The following INO80D variants were observed in gnomAD, a reference collection of about 807,000 sequenced individuals.
INO80D encodes INO80 complex subunit D.
INO80D carries 21 observed loss-of-function variants against 87.6 expected under a neutral mutation model. That is an observed-to-expected ratio of 0.24 (90% CI 0.17 to 0.35). INO80D has a LOEUF of 0.35. INO80D is among the 10% of genes least tolerant of loss of function. The pLI is 1.00. For missense variants in INO80D, 982 were observed against 1,280.7 expected, an observed-to-expected ratio of 0.77 and a Z score of 3.56; for synonymous variants, 440 against 491.0, an observed-to-expected ratio of 0.90 and a Z score of 1.37.
intron 1 of INO80D, among the ~76,000 whole-genome samples, chr2:206,079,666 C>G (rs1023666084): frequency 2.0e-5 from 3 of 152,144 alleles, no homozygotes; most frequent in African/African-American, 7.2e-5. Flanking sequence ...CAGTCTTGTC[C>G]TCCTTTTTCC....
chr2:206,025,568 T>TATATATATATAA (rs3079262), intron 6 of INO80D: 22 of 126,808 alleles, frequency 1.7e-4, no homozygotes, highest in South Asian at 4.9e-4. Flanking sequence ...TATATATATA[T>TATATATATATAA]AAAATAACTA....
Position 205,997,981 on chromosome 2 carries a change from TA to T in INO80D, c.*6386del, listed in dbSNP as rs1199011790. 6.6e-6 allele frequency: 1 copy of T among 152,168 alleles called. No homozygotes were observed. The highest frequency in any genetic ancestry group is 1.5e-5 in the Non-Finnish European group (1 of 68,008). 9.4% of individuals were successfully genotyped at this position (152,168 alleles called of 1,614,324 possible). ...ATACAGACATATACATGCACACAAG[TA>T]ATTTAGTTCTATTTTAAAGTCACAG... On this transcript the variant is annotated 3_prime_UTR_variant, in exon 11 of 11. Coordinates refer to ENST00000403263, the MANE Select transcript of INO80D (RefSeq NM_017759.5).
In INO80D at chr2:206,004,275, A is replaced by G. The variant is rs1255901612; in HGVS notation, c.*93T>C. 5.0e-6 allele frequency: 6 copies of G among 1,199,482 alleles called. No homozygotes were observed. In the Admixed American group the frequency reaches 6.6e-5, roughly 13 times the overall value. 74.3% of individuals were successfully genotyped at this position (1,199,482 alleles called of 1,614,324 possible). On this transcript the variant is annotated 3_prime_UTR_variant, in exon 11 of 11. Coordinates refer to ENST00000403263, the MANE Select transcript of INO80D (RefSeq NM_017759.5). The surrounding 1 kb of genome is among the most constrained non-coding windows in gnomAD (Gnocchi z 4.9). ...TGCCCCTCTGATCCCCATCTGTTATATCTTCTTTAGGAAAAGGGGAGAGGG... is the reference window on the plus strand; with the variant it reads ...TGCCCCTCTGATCCCCATCTGTTATGTCTTCTTTAGGAAAAGGGGAGAGGG...
intron 8 of INO80D, among the ~76,000 whole-genome samples, chr2:206,013,292 G>A (rs575353399): frequency 3.6e-4 from 54 of 152,046 alleles, no homozygotes; most frequent in South Asian, 2.3e-3. Context: ...GGTGGCTTAC[G>A]CCTGTAATCC....
intron 4 of INO80D, among the ~76,000 whole-genome samples, chr2:206,053,118 T>TC (rs1304078669): frequency 2.0e-5 from 3 of 149,946 alleles, no homozygotes; most frequent in African/African-American, 7.3e-5. Flanking sequence ...TATCAAAACT[T>TC]TTTTTTTTTT....
chr2:206,040,552 C>T (rs981676023), intron 5 of INO80D: 19 of 246,474 alleles, frequency 7.7e-5, no homozygotes, highest in African/African-American at 4.1e-4. Flanking sequence ...CCCCTACATC[C>T]AAGCTCTCGT....
chr2:206,061,108 G>A (rs1689679146), intron 3 of INO80D, among the ~76,000 whole-genome samples: 1 of 152,000 alleles, frequency 6.6e-6, no homozygotes, highest in South Asian at 2.1e-4. Flanking sequence ...CGGCCTCCTG[G>A]GCTAAATCAA....
intron 6 of INO80D, among the ~76,000 whole-genome samples, chr2:206,022,976 A>G (rs1329420843): frequency 6.6e-6 from 1 of 152,210 alleles, no homozygotes; most frequent in African/African-American, 2.4e-5. Flanking sequence ...AGGCAGGCAG[A>G]GTACCTGAGG....
chr2:206,005,883 C>T (rs78134893), intron 10 of INO80D, among the ~76,000 whole-genome samples: 1 of 152,166 alleles, frequency 6.6e-6, no homozygotes, highest in Admixed American at 6.5e-5. Flanking sequence ...ATAATATTAT[C>T]ATCATTAACA....
chr2:206,032,742 T>C (rs1688800465), intron 5 of INO80D, among the ~76,000 whole-genome samples: 1 of 152,250 alleles, frequency 6.6e-6, no homozygotes, highest in East Asian at 1.9e-4. Flanking sequence ...GAAGGAAAGA[T>C]ACAGTCGTTT....
chr2:205,996,833 A>C lies in INO80D; in HGVS notation c.*7535T>G, dbSNP rs1382283169. On this transcript the variant is annotated 3_prime_UTR_variant, in exon 11 of 11. Coordinates refer to ENST00000403263, the MANE Select transcript of INO80D (RefSeq NM_017759.5). ...GAATTTTTTCTAGCAAATCCCATTA[A>C]CCAGCAACTGAAGGGAGAAATGGCA... is the stretch of plus-strand genomic sequence containing the variant. 1.3e-5 allele frequency: 2 copies of C among 152,100 alleles called. No homozygotes were observed. Among genetic ancestry groups the C allele is most frequent in the Non-Finnish European group, 2.9e-5 (2 of 67,978 alleles). The allele number at this position is 152,100 out of a possible 1,614,324, so 9.4% of individuals were successfully genotyped here.
rs1575782703 is a variant in INO80D, at chr2:205,999,020, G to A, written c.*5348C>T. 1 of 152,142 alleles carries A rather than the reference G, an allele frequency of 6.6e-6. No homozygotes were observed. Among genetic ancestry groups the A allele is most frequent in the East Asian group, 1.9e-4 (1 of 5,176 alleles). The allele number at this position is 152,142 out of a possible 1,614,324, so 9.4% of individuals were successfully genotyped here. A position where few individuals can be genotyped will look rare whatever the true frequency, so the allele number is the denominator to read the frequency against. ...CTGGAGCCAACTGTACCTTAATGAT[G>A]CAGGTTGGAGTCATTTTAGGGCAAA... On this transcript the variant is annotated 3_prime_UTR_variant, in exon 11 of 11. Transcript: ENST00000403263.
At position 206,085,098 on chromosome 2, in the gene INO80D, T is replaced by C. The variant is rs1690403424; in HGVS notation, c.-124+803A>G. 6.6e-6 allele frequency among the ~76,000 whole-genome samples: 1 copy of C among 151,502 alleles called. No homozygotes were observed. Among genetic ancestry groups the C allele is most frequent in the African/African-American group, 2.4e-5 (1 of 41,218 alleles). On this transcript the variant is annotated intron_variant, in intron 1 of 10. Transcript: ENST00000403263. The surrounding 1 kb of genome is among the most constrained non-coding windows in gnomAD (Gnocchi z 4.5). ...AGAGTTTCAAAATAGCCGAGTGCGCTCCCCCACGCCCTGGGGGGTCCCGGG... is the reference window on the plus strand; with the variant it reads ...AGAGTTTCAAAATAGCCGAGTGCGCCCCCCCACGCCCTGGGGGGTCCCGGG...
chr2:206,010,703 G>C (rs1181694023), intron 8 of INO80D, among the ~76,000 whole-genome samples: 1 of 152,002 alleles, frequency 6.6e-6, no homozygotes, highest in Non-Finnish European at 1.5e-5. Flanking sequence ...TCTAAAACAG[G>C]TTTAATCCTA....
At position 206,080,291 on chromosome 2, in the gene INO80D, A is replaced by G. The variant is rs1489078489; in HGVS notation, c.-124+5610T>C. Among the ~76,000 whole-genome samples the G allele has an allele frequency of 7.2e-5, 11 of 152,266 alleles. No homozygotes were observed. The East Asian group carries it at 1.9e-3, about 27-fold the overall frequency. The stretch of plus-strand genomic sequence containing the variant: ...CAAACTGCTCAGTGCCTTCAAAACC[A>G]TGCAACACTACCGTCCACGGGGACT... On this transcript the variant is annotated intron_variant, in intron 1 of 10. Transcript: ENST00000403263.
rs1156917198 is a variant in INO80D, at chr2:206,004,300, G to T, written c.*68C>A. 5.9e-6 allele frequency: 8 copies of T among 1,349,716 alleles called. No homozygotes were observed. The highest frequency in any genetic ancestry group is 5.8e-5 in the African/African-American group (4 of 68,680). 83.6% of individuals were successfully genotyped at this position (1,349,716 alleles called of 1,614,324 possible). On this transcript the variant is annotated 3_prime_UTR_variant, in exon 11 of 11. Transcript: ENST00000403263. The surrounding 1 kb of genome is among the most constrained non-coding windows in gnomAD (Gnocchi z 4.9). ...ATCTTCTTTAGGAAAAGGGGAGAGGGGTGCTAAAGAGGAAACAAAGATAGA... is the reference window on the plus strand; with the variant it reads ...ATCTTCTTTAGGAAAAGGGGAGAGGTGTGCTAAAGAGGAAACAAAGATAGA...
rs1303944488 is a variant in INO80D, at chr2:205,997,354, T to C, written c.*7014A>G. ...ACAGCAGAACTGAGTAAAAGTTTTT[T>C]GAAAAATTTTGGAAATAAATGAAAT... On this transcript the variant is annotated 3_prime_UTR_variant, in exon 11 of 11. Transcript: ENST00000403263. 1 of 152,058 alleles carries C rather than the reference T, an allele frequency of 6.6e-6. No individual in the cohort carries two copies. The highest frequency in any genetic ancestry group is 2.4e-5 in the African/African-American group (1 of 41,424). 9.4% of individuals were successfully genotyped at this position (152,058 alleles called of 1,614,324 possible).
At chr2:206,042,946 T>C (rs894955774) in intron 5 of INO80D, among the ~76,000 whole-genome samples, 7 of 152,180 alleles carry the variant, frequency 4.6e-5, no homozygotes, top group Admixed American at 6.5e-5. Context: ...CACTCCCGCC[T>C]GGGTGATAGG....
intron 1 of INO80D, among the ~76,000 whole-genome samples, chr2:206,080,859 T>C (rs185443393): frequency 0.022 from 2,767 of 124,950 alleles, 43 homozygotes; most frequent in Non-Finnish European, 0.031. Flanking sequence ...GCTGAGATCG[T>C]GCCACTGCAC....
Sources: allele counts gnomAD v4.1 joint callset (sites outside exome capture counted in the v4.1 genomes callset), GRCh38; gene constraint gnomAD v4.1.1; non-coding constraint Gnocchi (gnomAD v3.1); transcripts MANE v1.5; gene names NCBI Gene and HGNC (gene_info 2026-07-23, HGNC 2026-07-21).